Variants in ERMP1 observed in about 807,000 individuals in gnomAD.
The protein encoded by ERMP1 is Felix-ina.
Under a neutral mutation model 92.0 loss-of-function variants are expected in ERMP1, and 86 were observed. That is an observed-to-expected ratio of 0.93 (90% CI 0.79 to 1.12). ERMP1 has a LOEUF of 1.12. Ranked by LOEUF, ERMP1 falls within the 50% of genes most tolerant of loss-of-function variation. The pLI is 0.00. For missense variants in ERMP1, 1,342 were observed against 1,116.3 expected, an observed-to-expected ratio of 1.20 and a Z score of -2.88; for synonymous variants, 530 against 412.8, an observed-to-expected ratio of 1.28 and a Z score of -3.44.
chr9:5,830,692 G>A (rs1232869124), intron 2 of ERMP1, 35 bp downstream of exon 2: 1 of 1,545,892 alleles, frequency 6.5e-7, no homozygotes, highest in East Asian at 2.3e-5. Context: ...TCTGGGCTGT[G>A]ACAAGTTCCA....
At chr9:5,804,486 T>C (rs900681426) in intron 10 of ERMP1, among the ~76,000 whole-genome samples, 5 of 152,196 alleles carry the variant, frequency 3.3e-5, no homozygotes, top group African/African-American at 1.2e-4. Flanking sequence ...TGTGATCATT[T>C]CATTATTTGG....
At position 5,816,257 on chromosome 9, in the gene ERMP1, C is replaced by G. The variant is rs10975299; in HGVS notation, c.875-3222G>C. ...AATGGTTAGGACATTAATGGAACAA[C>G]TGGAAAAATCTGAATATGCATTATT... On this transcript the variant is annotated intron_variant, in intron 4 of 14. Coordinates refer to ENST00000339450, the MANE Select transcript of ERMP1 (RefSeq NM_024896.3). 1.3e-5 allele frequency among the ~76,000 whole-genome samples: 2 copies of G among 152,228 alleles called. 1 individual carries two copies. Among genetic ancestry groups the G allele is most frequent in the South Asian group, 4.1e-4 (2 of 4,820 alleles).
chr9:5,811,996 C>G (rs890713244), intron 6 of ERMP1, 129 bp downstream of exon 6: 3 of 586,940 alleles, frequency 5.1e-6, no homozygotes, highest in Admixed American at 3.0e-5. Context: ...TCTCCAACTC[C>G]AAAGCCCTAG....
chr9:5,794,071 A>C (rs1045624645), intron 13 of ERMP1, among the ~76,000 whole-genome samples: 3 of 152,126 alleles, frequency 2.0e-5, no homozygotes, highest in Admixed American at 2.0e-4. Context: ...CAGATTTAGA[A>C]TAGAATTCAT....
rs952225751 is a variant in ERMP1, at chr9:5,798,882, T to G, written c.2194A>C (p.Ser732Arg). Residue 732 changes from serine (S) to arginine (R), a missense_variant, in exon 12 of 15, where the codon AGT (serine) becomes CGT (arginine). By Grantham distance (110) the Ser-to-Arg change is moderately radical. Transcript: ENST00000339450. ...ITPHIPEINDSIRAHCEENAP... is the reference protein window; with the variant it reads ...ITPHIPEINDRIRAHCEENAP... ...TTCTCCTCACAGTGAGCTCGGATAC[T>G]ATCATTGATCTCAGGAATGTGAGGG... 12 of 1,613,546 alleles carry G rather than the reference T, an allele frequency of 7.4e-6. No homozygotes were observed. The highest frequency in any genetic ancestry group is 1.0e-5 in the Non-Finnish European group (12 of 1,179,514).
upstream of ERMP1, among the ~76,000 whole-genome samples, chr9:5,837,658 C>A (rs1830110382): frequency 6.6e-6 from 1 of 152,192 alleles, no homozygotes; most frequent in East Asian, 1.9e-4. Context: ...TATTCTTTCT[C>A]ACTCTTTCTG....
chr9:5,812,750 G>C (rs987775839), intron 5 of ERMP1, 139 bp downstream of exon 5: 6 of 925,372 alleles, frequency 6.5e-6, no homozygotes, highest in Non-Finnish European at 1.0e-5. Flanking sequence ...AACAAACTCT[G>C]TTTTAGTGAG....
chr9:5,858,032 T>C (rs962320823), intron 6 of ERMP1, among the ~76,000 whole-genome samples: 2 of 152,210 alleles, frequency 1.3e-5, no homozygotes, highest in Admixed American at 1.3e-4. Context: ...TGTCCTGGCA[T>C]AACTTACAGA....
chr9:5,856,391 C>A, intron 6 of ERMP1: 1 of 184,240 alleles, frequency 5.4e-6, no homozygotes. Flanking sequence ...AGAGGAGCGG[C>A]CGGAGGATGA....
chr9:5,791,969 G>T (rs1216167756), intron 13 of ERMP1, among the ~76,000 whole-genome samples: 2 of 152,166 alleles, frequency 1.3e-5, no homozygotes, highest in Non-Finnish European at 2.9e-5. Flanking sequence ...GATGGCAGTT[G>T]CTCACTTAAT....
In ERMP1 at chr9:5,801,248, A is replaced by T; in HGVS notation, c.1995T>A (p.Leu665=). The T allele has an allele frequency of 6.2e-7, 1 of 1,614,008 alleles. No individual in the cohort carries two copies. The highest frequency in any genetic ancestry group is 8.5e-7 in the Non-Finnish European group (1 of 1,179,920). ...LTLVCAITFL[L]VCSGTFFPYS... ...ATGGAAAAAATGTTCCACTGCAAAC[A>T]AGGAGGAATGTAATTGCACATACCA... is the stretch of plus-strand genomic sequence containing the variant. Residue 665 remains leucine, a synonymous_variant, in exon 11 of 15, where the codon CTT becomes CTA. Coordinates refer to ENST00000339450, the MANE Select transcript of ERMP1 (RefSeq NM_024896.3).
chr9:5,861,993 A>G (rs1307433560), intron 5 of ERMP1, among the ~76,000 whole-genome samples: 1 of 151,906 alleles, frequency 6.6e-6, no homozygotes, highest in Non-Finnish European at 1.5e-5. Flanking sequence ...TTAAAAAATC[A>G]CATTTTAATT....
chr9:5,788,243 G>A (rs1316203101), intron 13 of ERMP1, among the ~76,000 whole-genome samples: 2 of 152,200 alleles, frequency 1.3e-5, no homozygotes, highest in Admixed American at 6.5e-5. Context: ...TCACACACTT[G>A]TGCCCACCCT....
Position 5,805,794 on chromosome 9 carries a change from A to G in ERMP1, c.1549-9T>C. On this transcript the variant is annotated splice_polypyrimidine_tract_variant and intron_variant, in intron 8 of 14. Coordinates refer to ENST00000339450, the MANE Select transcript of ERMP1 (RefSeq NM_024896.3). ...TACTGGGCACTGGCATTCTGAAAGA[A>G]AGAAAAATATACAAGTAGTCTCATT... 6.3e-7 allele frequency: 1 copy of G among 1,588,530 alleles called. No homozygotes were observed. Among genetic ancestry groups the G allele is most frequent in the Non-Finnish European group, 8.5e-7 (1 of 1,170,186 alleles).
In ERMP1 at chr9:5,810,237, G is replaced by C. The variant is rs775267027; in HGVS notation, c.1328-6C>G. 59 of 1,609,160 alleles carry C rather than the reference G, an allele frequency of 3.7e-5. No homozygotes were observed. Among genetic ancestry groups the C allele is most frequent in the Non-Finnish European group, 4.9e-5 (58 of 1,176,510 alleles). The stretch of plus-strand genomic sequence containing the variant: ...GTCCTTCTTGTAGTTACCAGCTAAT[G>C]AAGAGAAAACAAAAAGTTGAAATCA... On this transcript the variant is annotated splice_region_variant and splice_polypyrimidine_tract_variant and intron_variant, in intron 7 of 14. Coordinates refer to ENST00000339450, the MANE Select transcript of ERMP1 (RefSeq NM_024896.3).
At chr9:5,812,610 A>G (rs1829139099) in intron 5 of ERMP1, 1 of 458,960 alleles carries the variant, frequency 2.2e-6, no homozygotes, top group Non-Finnish European at 3.9e-6. Flanking sequence ...ACAACGAAAG[A>G]CCCCTGAAGG....
chr9:5,807,760 A>C (rs10975291), intron 8 of ERMP1, among the ~76,000 whole-genome samples: 49,279 of 151,780 alleles, frequency 0.32, 9,564 homozygotes, highest in East Asian at 0.75. Context: ...ACAACAACAA[A>C]AAAAAAACGG....
At chr9:5,864,184 A>G (rs2129789224) in intron 5 of ERMP1, among the ~76,000 whole-genome samples, 2 of 152,340 alleles carry the variant, frequency 1.3e-5, no homozygotes, top group South Asian at 4.1e-4. Flanking sequence ...TCATTGATCA[A>G]TGAAGTTGAA....
chr9:5,817,256 C>A (rs1829349340), intron 4 of ERMP1, among the ~76,000 whole-genome samples: 1 of 151,902 alleles, frequency 6.6e-6, no homozygotes, highest in Middle Eastern at 3.4e-3. Flanking sequence ...ATGGCATGAT[C>A]TCGGCTCACT....
Sources: gnomAD v4.1 joint callset for allele counts (sites outside exome capture counted in the v4.1 genomes callset) on GRCh38, gnomAD v4.1.1 for gene constraint, MANE v1.5 for transcripts, NCBI Gene and HGNC (gene_info 2026-07-23, HGNC 2026-07-21) for gene names.